CRTC1: variants seen among roughly 807,000 people sequenced by gnomAD.
CRTC1 encodes CREB-regulated transcription coactivator 1.
Under a neutral mutation model 66.1 loss-of-function variants are expected in CRTC1, and 18 were observed. The observed-to-expected ratio is 0.27, with a 90% CI of 0.19 to 0.40. The LOEUF (loss-of-function observed/expected upper bound fraction) is 0.40. Among genes scored for constraint, CRTC1 ranks in the 10% least tolerant of loss-of-function variants. The pLI is 1.00. For synonymous variants in CRTC1, 416 were observed against 398.8 expected (o/e 1.04, Z -0.51); for missense variants, 669 against 887.9 (o/e 0.75, Z 3.13).
intron 1 of CRTC1, among the ~76,000 whole-genome samples, 200 bp from the exon 2 acceptor site, chr19:18,742,710 G>A (rs1376725970): frequency 1.3e-5 from 2 of 152,190 alleles, no homozygotes; most frequent in African/African-American, 2.4e-5. Context: ...GAGCCGTCCC[G>A]GCACCTCGGG....
At chr19:18,767,584 C>G (rs1431919198) in intron 9 of CRTC1, among the ~76,000 whole-genome samples, 1 of 152,166 alleles carries the variant, frequency 6.6e-6, no homozygotes, top group African/African-American at 2.4e-5. Context: ...CAATGCCCGG[C>G]CCGGACTCCA....
At chr19:18,754,523 A>G (rs931359831) in intron 6 of CRTC1, among the ~76,000 whole-genome samples, 1 of 152,202 alleles carries the variant, frequency 6.6e-6, no homozygotes, top group African/African-American at 2.4e-5. Flanking sequence ...GTGGGGAAAA[A>G]AAAATATTTG....
chr19:18,721,571 T>G (rs1041653388), intron 1 of CRTC1, among the ~76,000 whole-genome samples: 4 of 148,546 alleles, frequency 2.7e-5, no homozygotes, highest in Non-Finnish European at 4.5e-5. Context: ...CATAGCTCAC[T>G]TCAACCTCTG....
chr19:18,689,713 G>T (rs1460024741), intron 1 of CRTC1, among the ~76,000 whole-genome samples: 1 of 150,282 alleles, frequency 6.7e-6, no homozygotes, highest in Middle Eastern at 3.2e-3. Context: ...CCATGGTGTG[G>T]GTCTACCCCG....
At chr19:18,704,912 A>T (rs1442758163) in intron 1 of CRTC1, among the ~76,000 whole-genome samples, 2 of 11,112 alleles carry the variant, frequency 1.8e-4, no homozygotes, top group African/African-American at 7.0e-4. Context: ...CCTACCCCCC[A>T]ATCCCCAACC....
chr19:18,685,573 C>G (rs2052667411), intron 1 of CRTC1, among the ~76,000 whole-genome samples: 1 of 152,188 alleles, frequency 6.6e-6, no homozygotes, highest in South Asian at 2.1e-4. Context: ...GGGAGAATCA[C>G]TTGAACCTGG....
chr19:18,684,942 C>A (rs1011542154), intron 1 of CRTC1, among the ~76,000 whole-genome samples: 1 of 151,670 alleles, frequency 6.6e-6, no homozygotes, highest in Non-Finnish European at 1.5e-5. Flanking sequence ...GCACACTCTG[C>A]AAAGGTGATG....
intron 1 of CRTC1, among the ~76,000 whole-genome samples, chr19:18,689,407 A>ATTTC (rs1245137894): frequency 7.3e-6 from 1 of 137,266 alleles, no homozygotes; most frequent in Non-Finnish European, 1.6e-5. Flanking sequence ...TCAGTGCTTC[A>ATTTC]TTTCTTTCTT....
At chr19:18,756,665 C>T (rs961737867) in intron 6 of CRTC1, among the ~76,000 whole-genome samples, 2 of 151,880 alleles carry the variant, frequency 1.3e-5, no homozygotes, top group African/African-American at 2.4e-5. Context: ...AAATGTCCAG[C>T]AGCAGAGAGG....
chr19:18,739,160 C>T (rs2054060546), intron 1 of CRTC1, among the ~76,000 whole-genome samples: 1 of 152,262 alleles, frequency 6.6e-6, no homozygotes, highest in South Asian at 2.1e-4. Context: ...CGGACGCCTT[C>T]TCCAGGCCTC....
At chr19:18,742,737 T>C (rs1471654784) in intron 1 of CRTC1, among the ~76,000 whole-genome samples, 173 bp from the exon 2 acceptor site, 1 of 152,212 alleles carries the variant, frequency 6.6e-6, no homozygotes, top group Non-Finnish European at 1.5e-5. Context: ...ATTCTGCCAT[T>C]TTTGGTGGAG....
At chr19:18,734,739 C>T (rs1345287089) in intron 1 of CRTC1, among the ~76,000 whole-genome samples, 1 of 152,158 alleles carries the variant, frequency 6.6e-6, no homozygotes, top group Non-Finnish European at 1.5e-5. Flanking sequence ...CCTTGCTGCT[C>T]CAAGCTGTGT....
chr19:18,737,725 G>A (rs1234685521), intron 1 of CRTC1, among the ~76,000 whole-genome samples: 2 of 115,288 alleles, frequency 1.7e-5, no homozygotes, highest in Non-Finnish European at 4.0e-5. Context: ...CCAAGCTGCC[G>A]CCCTCCTGCT....
chr19:18,696,120 A>G (rs1250879690), intron 1 of CRTC1, among the ~76,000 whole-genome samples: 1 of 152,212 alleles, frequency 6.6e-6, no homozygotes, highest in Non-Finnish European at 1.5e-5. Context: ...AGTGGGAGAC[A>G]GGCCCGGAGA....
In CRTC1 at chr19:18,741,985, C is replaced by T. The variant is rs983979913; in HGVS notation, c.127-925C>T. On this transcript the variant is annotated intron_variant, in intron 1 of 13. Transcript: ENST00000321949. The surrounding 1 kb of genome is among the most constrained non-coding windows in gnomAD (Gnocchi z 4.2). ...ACACAGTGTCCACCCTAGCAACCGC[C>T]CCTGCCGGGCCAGAGTGGACAACCA... Among the ~76,000 whole-genome samples, 5 of 152,158 alleles carry T rather than the reference C, an allele frequency of 3.3e-5. No homozygotes were observed. Among genetic ancestry groups the T allele is most frequent in the African/African-American group, 9.7e-5 (4 of 41,436 alleles).
chr19:18,712,103 G>T (rs998896169), intron 1 of CRTC1, among the ~76,000 whole-genome samples: 1 of 152,118 alleles, frequency 6.6e-6, no homozygotes, highest in East Asian at 1.9e-4. Context: ...ACCATGGCCA[G>T]CTAATTTTTA....
At chr19:18,717,826 G>C (rs557884417) in intron 1 of CRTC1, among the ~76,000 whole-genome samples, 7 of 152,088 alleles carry the variant, frequency 4.6e-5, no homozygotes, top group Admixed American at 4.6e-4. Context: ...TTCCAGACAC[G>C]GGGGTGCGTG....
At position 18,744,254 on chromosome 19, in the gene CRTC1, G is replaced by A. The variant is rs2054179606; in HGVS notation, c.243+1228G>A. The A allele has an allele frequency of 6.6e-6, 8 of 1,203,988 alleles. No homozygotes were observed. The East Asian group carries it at 9.9e-5, about 15-fold the overall frequency. The allele number at this position is 1,203,988 out of a possible 1,614,324, so 74.6% of individuals were successfully genotyped here. ...CTGGGGATCCCTGAGCTCCCCAAGC[G>A]GCCGCCCCTGCGGCTCCCAGGGAGG... is the stretch of plus-strand genomic sequence containing the variant. On this transcript the variant is annotated intron_variant, in intron 2 of 13. Transcript: ENST00000321949.
At position 18,753,544 on chromosome 19, in the gene CRTC1, G is replaced by A. The variant is rs1200258339; in HGVS notation, c.583G>A (p.Ala195Thr). 3 of 1,613,178 alleles carry A rather than the reference G, an allele frequency of 1.9e-6. No individual in the cohort carries two copies. ...VPGMEETTSE[A>T]DKNLSKQAWD... is the part of the protein sequence containing the mutation. Reference sequence around the variant, plus strand: ...AGGAATGGAAGAGACCACATCAGAGGCAGACAAAAACCTTTCCAAGCAAGC... The same window carrying A: ...AGGAATGGAAGAGACCACATCAGAGACAGACAAAAACCTTTCCAAGCAAGC... Residue 195 changes from alanine to threonine, a missense_variant, in exon 6 of 14, where the codon GCA (alanine) becomes ACA (threonine). Physicochemically the swap from Ala to Thr is moderately conservative, Grantham distance 58. This residue lies in a region of CRTC1 where 214 missense variants were observed against 323.4 expected (regional missense o/e 0.66). Coordinates refer to ENST00000321949, the MANE Select transcript of CRTC1 (RefSeq NM_015321.3).
Sources: gnomAD v4.1 joint callset for allele counts (sites outside exome capture counted in the v4.1 genomes callset) on GRCh38, gnomAD v4.1.1 for gene constraint, gnomAD v4.1.1 regional missense constraint, Gnocchi (gnomAD v3.1) non-coding constraint, MANE v1.5 for transcripts, NCBI Gene and HGNC (gene_info 2026-07-23, HGNC 2026-07-21) for gene names.